The following PDZRN3 variants were observed in gnomAD, a reference collection of about 807,000 sequenced individuals.
The protein encoded by PDZRN3 is E3 ubiquitin-protein ligase PDZRN3.
PDZRN3 carries 38 observed loss-of-function variants against 85.7 expected under a neutral mutation model. The observed-to-expected ratio is 0.44, with a 90% CI of 0.34 to 0.58. PDZRN3 has a LOEUF of 0.58. Among genes scored for constraint, PDZRN3 ranks in the 20% least tolerant of loss-of-function variants. The pLI, the probability that PDZRN3 is intolerant of heterozygous loss-of-function variation, is 0.01. For synonymous variants in PDZRN3, 759 were observed against 638.0 expected, an observed-to-expected ratio of 1.19 and a Z score of -2.86; for missense variants, 1,629 against 1,506.4, an observed-to-expected ratio of 1.08 and a Z score of -1.35.
At chr3:73,438,413 C>T (rs1311556328) in intron 3 of PDZRN3, among the ~76,000 whole-genome samples, 1 of 152,202 alleles carries the variant, frequency 6.6e-6, no homozygotes, top group Admixed American at 6.5e-5. Flanking sequence ...TTGCCTGATA[C>T]CTAAAATACA....
At chr3:73,413,102 T>C (rs766029532) in intron 3 of PDZRN3, among the ~76,000 whole-genome samples, 1 of 152,216 alleles carries the variant, frequency 6.6e-6, no homozygotes, top group Non-Finnish European at 1.5e-5. Context: ...GTGCCCAATG[T>C]CAGCTGTTGT....
intron 1 of PDZRN3, among the ~76,000 whole-genome samples, chr3:73,612,725 T>C (rs1702702182): frequency 6.6e-6 from 1 of 152,184 alleles, no homozygotes; most frequent in Admixed American, 6.6e-5. Flanking sequence ...TAAGATGTCT[T>C]CAGGAATCTC....
chr3:73,424,801 AG>A (rs1345014282), intron 3 of PDZRN3, among the ~76,000 whole-genome samples: 2 of 152,198 alleles, frequency 1.3e-5, no homozygotes, highest in Admixed American at 6.5e-5. Flanking sequence ...CTTCATAGTC[AG>A]GGTGAAGCAA....
At chr3:73,525,968 G>A (rs902290952) in intron 3 of PDZRN3, among the ~76,000 whole-genome samples, 8 of 152,184 alleles carry the variant, frequency 5.3e-5, no homozygotes. Context: ...TCAGTAGATG[G>A]AGCCACACAT....
At chr3:73,559,070 G>T (rs1371728692) in intron 3 of PDZRN3, among the ~76,000 whole-genome samples, 1 of 152,122 alleles carries the variant, frequency 6.6e-6, no homozygotes, top group East Asian at 1.9e-4. Flanking sequence ...AAGACCCCAG[G>T]CACACCAAGC....
intron 3 of PDZRN3, among the ~76,000 whole-genome samples, chr3:73,509,897 T>C (rs919986937): frequency 3.3e-5 from 5 of 152,334 alleles, no homozygotes; most frequent in African/African-American, 1.2e-4. Flanking sequence ...AATCAGGGGC[T>C]GAGGCCTCCA....
intron 3 of PDZRN3, among the ~76,000 whole-genome samples, chr3:73,546,431 T>C (rs1266069423): frequency 6.6e-6 from 1 of 152,242 alleles, no homozygotes; most frequent in Non-Finnish European, 1.5e-5. Context: ...CTCACAGCTG[T>C]CTGTCCTTAG....
rs1440871023 is a variant in PDZRN3, at chr3:73,541,491, TA to T, written c.918+60862del. Among the ~76,000 whole-genome samples the T allele has an allele frequency of 2.0e-5, 3 of 152,340 alleles. No homozygotes were observed. In the East Asian group the frequency reaches 5.8e-4, roughly 29 times the overall value. ...AAAACTGATGTAGAGAGAGGTTAAG[TA>T]ACCTTAGTTATGTGGTCCAACAGCC... is the stretch of plus-strand genomic sequence containing the variant. On this transcript the variant is annotated intron_variant, in intron 3 of 9. Transcript: ENST00000263666.
intron 5 of PDZRN3, among the ~76,000 whole-genome samples, chr3:73,397,450 C>G (rs529567191): frequency 1.3e-5 from 2 of 152,306 alleles, no homozygotes; most frequent in East Asian, 3.9e-4. Flanking sequence ...TGCGACTGTT[C>G]TAAGAAATCT....
chr3:73,421,075 T>G (rs528243775), intron 3 of PDZRN3, among the ~76,000 whole-genome samples: 20 of 152,310 alleles, frequency 1.3e-4, no homozygotes, highest in African/African-American at 4.8e-4. Context: ...GTTTGGAACT[T>G]TGTGGAATTA....
chr3:73,477,712 A>T (rs1462806096), intron 3 of PDZRN3, among the ~76,000 whole-genome samples: 1 of 152,156 alleles, frequency 6.6e-6, no homozygotes, highest in Non-Finnish European at 1.5e-5. Flanking sequence ...AATCATCACT[A>T]TCTTTGTGTA....
intron 3 of PDZRN3, among the ~76,000 whole-genome samples, chr3:73,489,667 G>A (rs774745134): frequency 1.4e-4 from 19 of 137,424 alleles, no homozygotes; most frequent in Non-Finnish European, 2.7e-4. Context: ...CCGCCTCTTC[G>A]GTTCAAGCGA....
intron 3 of PDZRN3, among the ~76,000 whole-genome samples, chr3:73,456,751 T>G (rs1163698392): frequency 6.6e-6 from 1 of 152,216 alleles, no homozygotes; most frequent in Non-Finnish European, 1.5e-5. Context: ...TTTTGTTTCC[T>G]GGACCAACGT....
At chr3:73,602,308 G>A (rs1438959633) in intron 3 of PDZRN3, 46 bp downstream of exon 3, 1 of 1,015,872 alleles carries the variant, frequency 9.8e-7, no homozygotes. Flanking sequence ...GACGAAGATG[G>A]GATGGCATTC....
chr3:73,407,439 CAAT>C (rs1701877169), intron 3 of PDZRN3, among the ~76,000 whole-genome samples: 1 of 152,138 alleles, frequency 6.6e-6, no homozygotes, highest in African/African-American at 2.4e-5. Context: ...TTGTTATATT[CAAT>C]AATACATTCC....
At position 73,383,314 on chromosome 3, in the gene PDZRN3, TCTACC is replaced by T. The variant is rs1227291941; in HGVS notation, c.*46_*50del. 6.6e-7 allele frequency: 1 copy of T among 1,511,696 alleles called. No homozygotes were observed. The highest frequency in any genetic ancestry group is 1.4e-5 in the African/African-American group (1 of 71,710). 93.6% of individuals were successfully genotyped at this position (1,511,696 alleles called of 1,614,324 possible). ...TGCCGCATTGAACGAGGCAGGAATT[TCTACC>T]CCAGTGGTAGTGGTCTCCTTTATGT... On this transcript the variant is annotated 3_prime_UTR_variant, in exon 10 of 10. Transcript: ENST00000263666.
intron 3 of PDZRN3, among the ~76,000 whole-genome samples, chr3:73,480,651 G>A (rs1156968554): frequency 1.3e-5 from 2 of 152,258 alleles, no homozygotes; most frequent in South Asian, 2.1e-4. Flanking sequence ...TGGAGAAGCA[G>A]GGTTGATATT....
intron 3 of PDZRN3, chr3:73,474,612 T>A: frequency 8.0e-7 from 1 of 1,256,536 alleles, no homozygotes; most frequent in Non-Finnish European, 1.0e-6. Flanking sequence ...TGGTTTATGT[T>A]GAGAGTACTG....
At chr3:73,461,287 T>C (rs2106865600) in intron 3 of PDZRN3, among the ~76,000 whole-genome samples, 2 of 152,346 alleles carry the variant, frequency 1.3e-5, no homozygotes, top group Middle Eastern at 3.4e-3. Flanking sequence ...TACATGTATA[T>C]GTTTTTATTT....
Sources: gnomAD v4.1 joint callset for allele counts (sites outside exome capture counted in the v4.1 genomes callset) on GRCh38, gnomAD v4.1.1 for gene constraint, MANE v1.5 for transcripts, NCBI Gene and HGNC (gene_info 2026-07-23, HGNC 2026-07-21) for gene names.